CDC42SE2: variants seen among roughly 807,000 people sequenced by gnomAD.
CDC42SE2 encodes the protein CDC42 small effector protein 2.
CDC42SE2 carries 3 observed loss-of-function variants against 11.5 expected under a neutral mutation model. The observed-to-expected ratio is 0.26, with a 90% CI of 0.12 to 0.67. CDC42SE2 has a LOEUF of 0.67. Among genes scored for constraint, CDC42SE2 ranks in the 30% least tolerant of loss-of-function variants. The pLI is 0.80. For synonymous variants in CDC42SE2, 33 were observed against 34.8 expected (o/e 0.95, Z 0.18); for missense variants, 82 against 106.8 (o/e 0.77, Z 1.02).
At chr5:131,238,628 AAAAAG>A in the CDC42SE2 span, among the ~76,000 whole-genome samples, 10 of 151,988 alleles carry the variant, frequency 6.6e-5, no homozygotes, top group African/African-American at 9.7e-5. Context: ...AATAATAATA[AAAAAG>A]AAAAGAAAAG....
chr5:131,288,907 C>T (rs1032576625), intron 1 of CDC42SE2, among the ~76,000 whole-genome samples: 33 of 152,202 alleles, frequency 2.2e-4, no homozygotes, highest in African/African-American at 8.0e-4. Context: ...GTTGTTCCTT[C>T]TACCCCCACC....
At position 131,354,134 on chromosome 5, in the gene CDC42SE2, G is replaced by A. The variant is rs183242593; in HGVS notation, c.-285-5075G>A. Among the ~76,000 whole-genome samples, 40 of 152,050 alleles carry A rather than the reference G, an allele frequency of 2.6e-4. 1 individual carries two copies. The East Asian group carries it at 7.2e-3, about 27-fold the overall frequency. ...ACACACCCGTAGTCCCAGCTACTTG[G>A]AAGATTAAGGGTAGGATGGTTTGAG... On this transcript the variant is annotated intron_variant, in intron 2 of 4. Coordinates refer to ENST00000505065, the MANE Select transcript of CDC42SE2 (RefSeq NM_001375635.1).
At chr5:131,295,203 A>T (rs185051616) in intron 1 of CDC42SE2, among the ~76,000 whole-genome samples, 62 of 151,918 alleles carry the variant, frequency 4.1e-4, no homozygotes, top group Non-Finnish European at 7.4e-4. Flanking sequence ...GAATCACTTG[A>T]ACCCAGGAGG....
chr5:131,265,262 A>G (rs1235547917), intron 1 of CDC42SE2, among the ~76,000 whole-genome samples: 3 of 152,162 alleles, frequency 2.0e-5, no homozygotes, highest in African/African-American at 7.2e-5. Flanking sequence ...GTTGGTATAC[A>G]TTTTCTGTTT....
At chr5:131,364,172 G>A (rs1278439736) in intron 3 of CDC42SE2, among the ~76,000 whole-genome samples, 1 of 152,168 alleles carries the variant, frequency 6.6e-6, no homozygotes, top group African/African-American at 2.4e-5. Context: ...AAATAAGTAT[G>A]TATGGTATCA....
At chr5:131,236,844 A>T in the CDC42SE2 span, among the ~76,000 whole-genome samples, 2 of 152,242 alleles carry the variant, frequency 1.3e-5, no homozygotes, top group Non-Finnish European at 2.9e-5. Context: ...AATATATGTT[A>T]CTACAATTTC....
intron 2 of CDC42SE2, among the ~76,000 whole-genome samples, chr5:131,353,738 T>G (rs748905560): frequency 2.0e-5 from 3 of 151,796 alleles, no homozygotes; most frequent in Non-Finnish European, 4.4e-5. Context: ...AAACCCCATC[T>G]CTACTAAAAA....
intron 3 of CDC42SE2, among the ~76,000 whole-genome samples, chr5:131,377,974 T>C (rs977734275): frequency 2.0e-5 from 3 of 152,242 alleles, no homozygotes; most frequent in African/African-American, 7.2e-5. Context: ...TCAACAGTCA[T>C]TTATTGTCTA....
chr5:131,279,206 C>G (rs576789952), intron 1 of CDC42SE2, among the ~76,000 whole-genome samples: 1 of 152,102 alleles, frequency 6.6e-6, no homozygotes, highest in South Asian at 2.1e-4. Flanking sequence ...AAGTTATGTT[C>G]TCTTTACATC....
intron 1 of CDC42SE2, among the ~76,000 whole-genome samples, chr5:131,296,176 C>T (rs530429846): frequency 3.3e-5 from 5 of 152,096 alleles, no homozygotes; most frequent in East Asian, 1.9e-4. Flanking sequence ...ACGTGGATTC[C>T]GTTTTGATGA....
chr5:131,357,837 A>G (rs1295930095), intron 2 of CDC42SE2, among the ~76,000 whole-genome samples: 5 of 152,046 alleles, frequency 3.3e-5, no homozygotes, highest in Admixed American at 1.3e-4. Context: ...TCTGATGTCT[A>G]CCCACACTAC....
chr5:131,231,943 C>T, the CDC42SE2 span, among the ~76,000 whole-genome samples: 43 of 152,140 alleles, frequency 2.8e-4, no homozygotes, highest in South Asian at 6.2e-4. Context: ...AGGTGCGCAC[C>T]ATGACCCCTG....
chr5:131,371,949 A>T (rs149864288), intron 3 of CDC42SE2, among the ~76,000 whole-genome samples: 1 of 152,332 alleles, frequency 6.6e-6, no homozygotes, highest in East Asian at 1.9e-4. Context: ...TATTAACTTA[A>T]TGAGAAACAT....
chr5:131,312,133 C>T (rs1463826882), intron 1 of CDC42SE2, among the ~76,000 whole-genome samples: 1 of 151,988 alleles, frequency 6.6e-6, no homozygotes, highest in Non-Finnish European at 1.5e-5. Flanking sequence ...GTGTGGATGT[C>T]CTTTTTGTTT....
chr5:131,280,395 A>G (rs1346694322), intron 1 of CDC42SE2, among the ~76,000 whole-genome samples: 1 of 152,228 alleles, frequency 6.6e-6, no homozygotes, highest in Non-Finnish European at 1.5e-5. Flanking sequence ...AATCTTACAT[A>G]GACTCTGACA....
At chr5:131,384,281 A>C (rs1037737433) in intron 3 of CDC42SE2, among the ~76,000 whole-genome samples, 23 of 152,210 alleles carry the variant, frequency 1.5e-4, no homozygotes, top group African/African-American at 5.1e-4. Context: ...AAATATATGC[A>C]TGGGCTCGCC....
intron 3 of CDC42SE2, among the ~76,000 whole-genome samples, chr5:131,361,833 T>G (rs1461118834): frequency 1.3e-5 from 2 of 152,146 alleles, no homozygotes; most frequent in African/African-American, 4.8e-5. Flanking sequence ...TCCAGCCAGT[T>G]GATGGCCTGC....
At chr5:131,279,212 A>G (rs1306616186) in intron 1 of CDC42SE2, among the ~76,000 whole-genome samples, 3 of 152,192 alleles carry the variant, frequency 2.0e-5, no homozygotes, top group South Asian at 4.1e-4. Flanking sequence ...TGTTCTCTTT[A>G]CATCTGATGA....
intron 2 of CDC42SE2, among the ~76,000 whole-genome samples, chr5:131,349,857 A>G (rs1758957622): frequency 2.0e-5 from 3 of 152,232 alleles, no homozygotes; most frequent in Admixed American, 2.0e-4. Context: ...AAAATTTAAT[A>G]TACTATTATT....
Sources: allele counts gnomAD v4.1 joint callset (sites outside exome capture counted in the v4.1 genomes callset), GRCh38; gene constraint gnomAD v4.1.1; transcripts MANE v1.5; gene names NCBI Gene and HGNC (gene_info 2026-07-23, HGNC 2026-07-21).